The following NQO2 variants were observed in gnomAD, a reference collection of about 807,000 sequenced individuals.
NQO2 encodes the protein ribosyldihydronicotinamide dehydrogenase [quinone].
Under a neutral mutation model 22.0 loss-of-function variants are expected in NQO2, and 18 were observed. That is an observed-to-expected ratio of 0.82 (90% CI 0.56 to 1.21). NQO2 has a LOEUF of 1.21. Ranked by LOEUF, NQO2 falls within the 50% of genes most tolerant of loss-of-function variation. NQO2 has a pLI of 0.00. For missense variants in NQO2, 267 were observed against 286.9 expected, an observed-to-expected ratio of 0.93 and a Z score of 0.50; for synonymous variants, 106 against 110.8, an observed-to-expected ratio of 0.96 and a Z score of 0.28.
At chr6:3,001,897 C>G (rs185188427) in intron 1 of NQO2, among the ~76,000 whole-genome samples, 1 of 152,224 alleles carries the variant, frequency 6.6e-6, no homozygotes, top group East Asian at 1.9e-4. Flanking sequence ...TGCCTGGGGT[C>G]AAGTGAACAG....
intron 3 of NQO2, among the ~76,000 whole-genome samples, chr6:3,011,302 G>T (rs1326372779): frequency 1.3e-5 from 2 of 152,270 alleles, no homozygotes; most frequent in East Asian, 3.9e-4. Flanking sequence ...CTTGGAACTA[G>T]AAATACATTT....
At chr6:3,015,753 G>A (rs1033618527) in intron 5 of NQO2, 110 bp downstream of exon 5, 21 of 1,021,818 alleles carry the variant, frequency 2.1e-5, no homozygotes, top group East Asian at 1.0e-4. Context: ...AGCAAATATC[G>A]ATTGAGCACC....
intron 1 of NQO2, among the ~76,000 whole-genome samples, chr6:3,001,376 G>T (rs572117071): frequency 3.3e-5 from 5 of 152,240 alleles, no homozygotes; most frequent in African/African-American, 1.2e-4. Flanking sequence ...ATGAACCACT[G>T]CGCCCGGCCA....
Position 3,016,889 on chromosome 6 carries a change from A to T in NQO2, c.423A>T (p.Lys141Asn). 1 of 1,613,678 alleles carries T rather than the reference A, an allele frequency of 6.2e-7. No individual in the cohort carries two copies. Among genetic ancestry groups the T allele is most frequent in the Non-Finnish European group, 8.5e-7 (1 of 1,180,010 alleles). Reference sequence around the variant, plus strand: ...ATCTGCTTTCTCCCTTGCAGGGTAAACTAGCGCTCCTTTCCGTAACCACGG... The same window carrying T: ...ATCTGCTTTCTCCCTTGCAGGGTAATCTAGCGCTCCTTTCCGTAACCACGG... ...GFYDSGLLQG[K>N]LALLSVTTGG... Residue 141 changes from lysine (K) to asparagine (N), a missense_variant, in exon 6 of 7, where the codon AAA becomes AAT. Coordinates refer to ENST00000380455, the MANE Select transcript of NQO2 (RefSeq NM_000904.6).
intron 4 of NQO2, among the ~76,000 whole-genome samples, chr6:3,013,488 T>A (rs74434976): frequency 0.019 from 2,948 of 152,246 alleles, 99 homozygotes; most frequent in African/African-American, 0.067. Context: ...CACAAATGTT[T>A]ATCAGGGTAA....
intron 3 of NQO2, 86 bp downstream of exon 3, chr6:3,010,275 G>T (rs1757100460): frequency 1.6e-6 from 2 of 1,239,284 alleles, no homozygotes; most frequent in Admixed American, 5.6e-5. Flanking sequence ...CTGCAAAATG[G>T]CATTATAGAA....
intron 5 of NQO2, 177 bp from the exon 6 acceptor site, chr6:3,016,707 T>G (rs1404751367): frequency 1.0e-6 from 1 of 972,796 alleles, no homozygotes; most frequent in Non-Finnish European, 1.2e-6. Context: ...GATTGTCTCC[T>G]CCTCCTCTTG....
intron 5 of NQO2, among the ~76,000 whole-genome samples, chr6:3,015,927 C>T (rs1757312265): frequency 6.6e-6 from 1 of 152,118 alleles, no homozygotes; most frequent in Non-Finnish European, 1.5e-5. Flanking sequence ...ACCTGGGCAA[C>T]CTTATGTGGG....
At chr6:3,017,469 C>T (rs927504380) in intron 6 of NQO2, among the ~76,000 whole-genome samples, 1 of 152,214 alleles carries the variant, frequency 6.6e-6, no homozygotes, top group African/African-American at 2.4e-5. Flanking sequence ...GCTGGCCATG[C>T]CAACCCCCAC....
intron 1 of NQO2, among the ~76,000 whole-genome samples, chr6:3,001,724 C>G (rs533963916): frequency 1.3e-5 from 2 of 152,336 alleles, no homozygotes; most frequent in Middle Eastern, 3.4e-3. Flanking sequence ...AAAATAACTT[C>G]TTAAAATTAA....
Position 3,006,247 on chromosome 6 carries a change from G to A in NQO2, c.-85-221G>A, listed in dbSNP as rs1010392123. On this transcript the variant is annotated intron_variant, in intron 1 of 6. Coordinates refer to ENST00000380455, the MANE Select transcript of NQO2 (RefSeq NM_000904.6). The surrounding 1 kb of genome is among the most constrained non-coding windows in gnomAD (Gnocchi z 4.0). ...TGCTGTATGACTGTCTGGATGGAAG[G>A]TTCAGAGTCCTCTCAAAAAAGGAAA... 1.9e-5 allele frequency: 15 copies of A among 796,018 alleles called. No homozygotes were observed. Among genetic ancestry groups the A allele is most frequent in the African/African-American group, 5.6e-5 (3 of 53,370 alleles). 49.3% of individuals were successfully genotyped at this position (796,018 alleles called of 1,614,324 possible).
At position 3,006,460 on chromosome 6, in the gene NQO2, T is replaced by A. The variant is rs1174804848; in HGVS notation, c.-85-8T>A. The A allele has an allele frequency of 2.5e-6, 4 of 1,603,090 alleles. No individual in the cohort carries two copies. The African/African-American group carries it at 5.4e-5, about 22-fold the overall frequency. ...CCCCACCCCCTCTGGGTTCGTTTTG[T>A]CTTCCAGATTGCTGGACTCGCTGAA... On this transcript the variant is annotated splice_region_variant and splice_polypyrimidine_tract_variant and intron_variant, in intron 1 of 6. Transcript: ENST00000380455. This position sits in a 1 kb window ranked among gnomAD's most constrained non-coding sequence, Gnocchi z 4.0.
intron 5 of NQO2, 134 bp downstream of exon 5, chr6:3,015,777 G>T (rs576217260): frequency 5.3e-5 from 43 of 810,244 alleles, no homozygotes; most frequent in Non-Finnish European, 7.7e-5. Flanking sequence ...TATGTACAAA[G>T]CACCATGTGC....
intron 6 of NQO2, 117 bp downstream of exon 6, chr6:3,017,102 G>T: frequency 8.2e-7 from 1 of 1,213,540 alleles, no homozygotes; most frequent in South Asian, 1.4e-5. Context: ...CTCCCCGAGG[G>T]GTGAGATGAG....
At chr6:3,017,193 GCTTTA>G (rs1306323653) in intron 6 of NQO2, among the ~76,000 whole-genome samples, 1 of 152,188 alleles carries the variant, frequency 6.6e-6, no homozygotes, top group Admixed American at 6.5e-5. Context: ...CCTTTTAAAT[GCTTTA>G]CTTGACAGAT....
At chr6:3,001,096 T>C (rs1235263419) in intron 1 of NQO2, among the ~76,000 whole-genome samples, 10 of 147,096 alleles carry the variant, frequency 6.8e-5, no homozygotes, top group African/African-American at 2.4e-4. Context: ...TTTTCTTTTT[T>C]TTTTTTTTTT....
In NQO2 at chr6:3,006,596, T is replaced by G; in HGVS notation, c.7+37T>G. On this transcript the variant is annotated intron_variant, in intron 2 of 6. Transcript: ENST00000380455. The surrounding 1 kb of genome is among the most constrained non-coding windows in gnomAD (Gnocchi z 4.0). ...CTATTGTGGAGTAAGACTTTTTTTT[T>G]TTTGAGATGGGATTTTGTTGTATTG... 6.4e-7 allele frequency: 1 copy of G among 1,562,806 alleles called. No homozygotes were observed. Among genetic ancestry groups the G allele is most frequent in the South Asian group, 1.2e-5 (1 of 83,832 alleles).
intron 2 of NQO2, among the ~76,000 whole-genome samples, chr6:3,007,465 A>G (rs1439511956): frequency 3.9e-5 from 6 of 152,252 alleles, no homozygotes; most frequent in African/African-American, 9.6e-5. Flanking sequence ...AGCCAGCTCA[A>G]TGCCCTGAAA....
chr6:3,006,665 A>C lies in NQO2; in HGVS notation c.7+106A>C. On this transcript the variant is annotated intron_variant, in intron 2 of 6. Coordinates refer to ENST00000380455, the MANE Select transcript of NQO2 (RefSeq NM_000904.6). This position sits in a 1 kb window ranked among gnomAD's most constrained non-coding sequence, Gnocchi z 4.0. ...TCCTGAGCTCAAGTGACCCTCCCAC[A>C]TTGACCTTCCAGGTGGGAGTTAGAC... 4 of 1,168,472 alleles carry C rather than the reference A, an allele frequency of 3.4e-6. No individual in the cohort carries two copies. Among genetic ancestry groups the C allele is most frequent in the Non-Finnish European group, 4.7e-6 (4 of 852,858 alleles). The allele number at this position is 1,168,472 out of a possible 1,614,324, so 72.4% of individuals were successfully genotyped here.
Sources: gnomAD v4.1 joint callset for allele counts (sites outside exome capture counted in the v4.1 genomes callset) on GRCh38, gnomAD v4.1.1 for gene constraint, Gnocchi (gnomAD v3.1) non-coding constraint, MANE v1.5 for transcripts, NCBI Gene and HGNC (gene_info 2026-07-23, HGNC 2026-07-21) for gene names.